FRMD4A: variants seen among roughly 807,000 people sequenced by gnomAD.
FRMD4A encodes FERM domain-containing protein 4A.
A neutral mutation model predicts 129.1 loss-of-function variants in FRMD4A; 29 were observed. That is an observed-to-expected ratio of 0.22 (90% CI 0.17 to 0.31). The LOEUF (loss-of-function observed/expected upper bound fraction) is 0.31. Ranked by LOEUF, FRMD4A falls within the 10% of genes least tolerant of loss-of-function variation. The pLI is 1.00. For synonymous variants in FRMD4A, 634 were observed against 571.6 expected (o/e 1.11, Z -1.56); for missense variants, 1,272 against 1,375.8 (o/e 0.92, Z 1.19).
At chr10:13,814,655 G>A (rs527292193) in intron 3 of FRMD4A, among the ~76,000 whole-genome samples, 4 of 142,842 alleles carry the variant, frequency 2.8e-5, no homozygotes, top group African/African-American at 1.0e-4. Context: ...AAGAAAGAGA[G>A]ACAGAAACAG....
chr10:13,987,884 C>G (rs1273909239), intron 2 of FRMD4A, among the ~76,000 whole-genome samples: 1 of 152,148 alleles, frequency 6.6e-6, no homozygotes, highest in African/African-American at 2.4e-5. Context: ...CTACAATTAA[C>G]TAGGTCACAG....
intron 3 of FRMD4A, among the ~76,000 whole-genome samples, chr10:13,855,216 G>A (rs75904862): frequency 8.7e-4 from 132 of 152,288 alleles, no homozygotes; most frequent in African/African-American, 3.1e-3. Flanking sequence ...CGAGTTTACA[G>A]TGCTGCATGA....
At chr10:13,741,973 C>T (rs1426923007) in intron 9 of FRMD4A, among the ~76,000 whole-genome samples, 3 of 152,204 alleles carry the variant, frequency 2.0e-5, no homozygotes, top group Admixed American at 2.0e-4. Flanking sequence ...TCTTGTGCCT[C>T]AGCCTCCTGA....
At chr10:14,068,211 C>T (rs967944026) in intron 2 of FRMD4A, among the ~76,000 whole-genome samples, 3 of 152,094 alleles carry the variant, frequency 2.0e-5, no homozygotes, top group South Asian at 2.1e-4. Context: ...AGGCTGGGGG[C>T]GCAGGGGTTG....
chr10:13,903,150 G>A (rs1243958925), intron 2 of FRMD4A, among the ~76,000 whole-genome samples: 4 of 152,032 alleles, frequency 2.6e-5, no homozygotes, highest in African/African-American at 7.3e-5. Context: ...TACCTTTTCA[G>A]GTCCCTGCTC....
chr10:13,884,490 T>A (rs1372186685), intron 2 of FRMD4A, among the ~76,000 whole-genome samples: 5 of 152,208 alleles, frequency 3.3e-5, no homozygotes, highest in Admixed American at 1.3e-4. Flanking sequence ...TTCTAGAATT[T>A]TCAAGATAAA....
intron 8 of FRMD4A, among the ~76,000 whole-genome samples, chr10:13,753,555 T>C (rs1374231887): frequency 1.3e-5 from 2 of 150,430 alleles, no homozygotes; most frequent in African/African-American, 4.9e-5. Flanking sequence ...TTTTTTTTTT[T>C]TTTTTTTGAG....
intron 2 of FRMD4A, among the ~76,000 whole-genome samples, chr10:14,301,049 C>T (rs538273284): frequency 6.6e-6 from 1 of 152,250 alleles, no homozygotes; most frequent in African/African-American, 2.4e-5. Context: ...AGTCTCACAT[C>T]CTGCTCAGTG....
intron 2 of FRMD4A, among the ~76,000 whole-genome samples, chr10:14,324,455 C>T (rs1215329324): frequency 6.6e-6 from 1 of 152,122 alleles, no homozygotes; most frequent in Non-Finnish European, 1.5e-5. Context: ...ATTAGTTTCG[C>T]CCTTAGACCC....
chr10:14,060,307 T>A (rs1015050029), intron 2 of FRMD4A, among the ~76,000 whole-genome samples: 1 of 152,214 alleles, frequency 6.6e-6, no homozygotes, highest in Non-Finnish European at 1.5e-5. Flanking sequence ...CTTTGCTTCT[T>A]ACACAACCAG....
chr10:14,310,481 T>C (rs1283206516), intron 2 of FRMD4A, among the ~76,000 whole-genome samples: 4 of 152,174 alleles, frequency 2.6e-5, no homozygotes, highest in Admixed American at 2.6e-4. Context: ...ATAAGCAAGC[T>C]GAAAGCTTGC....
At chr10:14,058,204 C>T (rs925074765) in intron 2 of FRMD4A, among the ~76,000 whole-genome samples, 55 of 152,004 alleles carry the variant, frequency 3.6e-4, no homozygotes, top group African/African-American at 1.3e-3. Flanking sequence ...ACAAGAAAGC[C>T]GAGGGGATTT....
At chr10:14,132,392 G>C (rs1046845039) in intron 2 of FRMD4A, among the ~76,000 whole-genome samples, 1 of 152,226 alleles carries the variant, frequency 6.6e-6, no homozygotes, top group African/African-American at 2.4e-5. Flanking sequence ...AGAATGAGAA[G>C]TATTGAGGGA....
At chr10:13,679,454 A>ATAT (rs1564590870) in intron 15 of FRMD4A, among the ~76,000 whole-genome samples, 3 of 37,036 alleles carry the variant, frequency 8.1e-5, no homozygotes, top group African/African-American at 3.5e-4. Flanking sequence ...AAAAAAAAAA[A>ATAT]AAAAAAATAT....
intron 2 of FRMD4A, among the ~76,000 whole-genome samples, chr10:14,030,503 TCA>T (rs1284561365): frequency 6.6e-6 from 1 of 152,240 alleles, no homozygotes; most frequent in Non-Finnish European, 1.5e-5. Flanking sequence ...TACTTGTCTA[TCA>T]AGCTTCTGCC....
chr10:14,159,226 C>T (rs10796162), intron 2 of FRMD4A, among the ~76,000 whole-genome samples: 48,480 of 151,994 alleles, frequency 0.32, 8,781 homozygotes, highest in East Asian at 0.54. Context: ...GTAAATGTTC[C>T]CTAGCTCAAG....
Position 13,660,420 on chromosome 10 carries a change from G to T in FRMD4A, c.1794C>A (p.Arg598=). ...TGATGGGTGACTTGTCATAGTCGTT[G>T]CGGTGATAGTGCATCTGTCGGAGTC... ...LEGLRQMHYH[R]NDYDKSPIKP... is the part of the protein sequence containing the mutation. Residue 598 remains arginine, a synonymous_variant, in exon 20 of 25, where the codon CGC becomes CGA. Transcript: ENST00000357447. 6.2e-7 allele frequency: 1 copy of T among 1,614,068 alleles called. No individual in the cohort carries two copies. The highest frequency in any genetic ancestry group is 8.5e-7 in the Non-Finnish European group (1 of 1,179,906).
intron 2 of FRMD4A, among the ~76,000 whole-genome samples, chr10:13,962,038 CGAAT>C (rs57314404): frequency 0.57 from 73,449 of 128,144 alleles, 18,335 homozygotes; most frequent in East Asian, 0.8. Flanking sequence ...CAAAAACACA[CGAAT>C]GAATGAATGA....
chr10:13,873,687 C>T (rs187588220), intron 2 of FRMD4A, among the ~76,000 whole-genome samples: 161 of 152,190 alleles, frequency 1.1e-3, no homozygotes, highest in African/African-American at 3.8e-3. Context: ...GCTGAGATTA[C>T]AGGCACCAGC....
Sources: allele counts gnomAD v4.1 joint callset (sites outside exome capture counted in the v4.1 genomes callset), GRCh38; gene constraint gnomAD v4.1.1; transcripts MANE v1.5; gene names NCBI Gene and HGNC (gene_info 2026-07-23, HGNC 2026-07-21).